ABCG2: variants seen among roughly 807,000 people sequenced by gnomAD.
The protein encoded by ABCG2 is broad substrate specificity ATP-binding cassette transporter ABCG2.
ABCG2 carries 80 observed loss-of-function variants against 73.5 expected under a neutral mutation model. The observed-to-expected ratio is 1.09, with a 90% CI of 0.91 to 1.31. ABCG2 has a LOEUF of 1.31. Ranked by LOEUF, ABCG2 falls within the 50% of genes most tolerant of loss-of-function variation. The pLI, the probability that ABCG2 is intolerant of heterozygous loss-of-function variation, is 0.00. For synonymous variants in ABCG2, 269 were observed against 282.4 expected (o/e 0.95, Z 0.48); for missense variants, 796 against 786.2 (o/e 1.01, Z -0.15).
chr4:88,208,053 C>G (rs772082860), intron 1 of ABCG2, among the ~76,000 whole-genome samples: 22 of 152,170 alleles, frequency 1.4e-4, no homozygotes, highest in Non-Finnish European at 2.9e-4. Context: ...TCAGTATTCA[C>G]TTCCAAGGAA....
At chr4:88,127,619 CACATCTACA>C (rs983466081) in intron 5 of ABCG2, among the ~76,000 whole-genome samples, 10 of 152,126 alleles carry the variant, frequency 6.6e-5, no homozygotes, top group African/African-American at 2.4e-4. Flanking sequence ...AATAATGCCA[CACATCTACA>C]ACCATCTGAT....
At chr4:88,163,625 C>A (rs1385880529), upstream of ABCG2, 1 of 195,672 alleles carries the variant, frequency 5.1e-6, no homozygotes, top group African/African-American at 2.4e-5. Flanking sequence ...GGCTATTCTG[C>A]CATAAACGAG....
chr4:88,229,057 TG>T (rs1385143665), intron 1 of ABCG2, among the ~76,000 whole-genome samples: 1 of 152,240 alleles, frequency 6.6e-6, no homozygotes, highest in Non-Finnish European at 1.5e-5. Context: ...GGCAACCGCT[TG>T]GGTCCCCTTC....
chr4:88,230,283 C>T (rs886631272), intron 1 of ABCG2, among the ~76,000 whole-genome samples: 8 of 84,748 alleles, frequency 9.4e-5, no homozygotes, highest in South Asian at 4.5e-4. Flanking sequence ...ATGATTACAC[C>T]GCACCTGTTA....
At chr4:88,141,255 A>C (rs1725621512) in intron 1 of ABCG2, among the ~76,000 whole-genome samples, 1 of 152,156 alleles carries the variant, frequency 6.6e-6, no homozygotes, top group South Asian at 2.1e-4. Context: ...GACATGAGGA[A>C]CCAAAATCAC....
chr4:88,133,761 G>T (rs772984825), intron 2 of ABCG2, among the ~76,000 whole-genome samples: 5 of 152,228 alleles, frequency 3.3e-5, no homozygotes, highest in Non-Finnish European at 7.3e-5. Context: ...ACTTCGGGAA[G>T]CCGAGGCGGG....
intron 1 of ABCG2, among the ~76,000 whole-genome samples, chr4:88,229,931 C>T (rs905898446): frequency 1.3e-5 from 2 of 151,612 alleles, no homozygotes; most frequent in African/African-American, 4.8e-5. Context: ...TTATAATCTT[C>T]AATTCTGAAT....
chr4:88,209,320 A>C (rs150681747), intron 1 of ABCG2, among the ~76,000 whole-genome samples: 2,229 of 151,464 alleles, frequency 0.015, 30 homozygotes, highest in Middle Eastern at 0.034. Flanking sequence ...AAAAAAAAAA[A>C]AAAAAACAAA....
At chr4:88,217,767 A>G (rs970005101) in intron 1 of ABCG2, among the ~76,000 whole-genome samples, 1 of 152,046 alleles carries the variant, frequency 6.6e-6, no homozygotes, top group Non-Finnish European at 1.5e-5. Flanking sequence ...TGAAGCCAGG[A>G]GTTCAAGGCT....
chr4:88,137,569 A>G (rs1725339443), intron 2 of ABCG2, among the ~76,000 whole-genome samples: 2 of 152,198 alleles, frequency 1.3e-5, no homozygotes, highest in Admixed American at 6.5e-5. Context: ...TGTGAGGGGC[A>G]TGGTTGACCC....
rs1178297276 is a variant in ABCG2, at chr4:88,092,279, G to A, written c.1923C>T (p.Leu641=). 1 of 1,612,566 alleles carries A rather than the reference G, an allele frequency of 6.2e-7. No homozygotes were observed. The highest frequency in any genetic ancestry group is 1.3e-5 in the African/African-American group (1 of 75,026). Residue 641 remains leucine (L), a synonymous_variant, in exon 16 of 16, where the codon CTC becomes CTT. Transcript: ENST00000237612. The part of the protein sequence containing the change: ...VALACMIVIF[L]TIAYLKLLFL... ...ATAACAATTTCAGGTAGGCAATTGT[G>A]AGGAAAATAACAATCATACAAGCCA... is the stretch of plus-strand genomic sequence containing the variant.
At chr4:88,108,454 C>A (rs544037875) in intron 9 of ABCG2, among the ~76,000 whole-genome samples, 1 of 152,170 alleles carries the variant, frequency 6.6e-6, no homozygotes, top group South Asian at 2.1e-4. Flanking sequence ...ATCACTTGAA[C>A]CCTAGAGGTG....
chr4:88,117,428 A>AAG (rs373841519), intron 7 of ABCG2, among the ~76,000 whole-genome samples: 12 of 152,226 alleles, frequency 7.9e-5, no homozygotes, highest in Admixed American at 3.9e-4. Flanking sequence ...TCAGGAGATC[A>AAG]AGACCATCCT....
chr4:88,215,312 A>G (rs146583421), intron 1 of ABCG2, among the ~76,000 whole-genome samples: 7 of 152,268 alleles, frequency 4.6e-5, no homozygotes, highest in African/African-American at 1.2e-4. Context: ...AAGTTAGCCA[A>G]TGAAATCCTG....
intron 5 of ABCG2, 24 bp from the exon 6 acceptor site, chr4:88,121,816 T>C: frequency 1.2e-6 from 2 of 1,607,940 alleles, no homozygotes; most frequent in Admixed American, 3.4e-5. Context: ...ATTATAATTG[T>C]CAATGATAAC....
intron 2 of ABCG2, among the ~76,000 whole-genome samples, chr4:88,137,286 G>A (rs961915103): frequency 1.4e-4 from 22 of 152,286 alleles, no homozygotes; most frequent in Admixed American, 7.2e-4. Context: ...ACTGTTTGGC[G>A]ACTATGATAG....
At chr4:88,125,973 C>G (rs1412199817) in intron 5 of ABCG2, among the ~76,000 whole-genome samples, 3 of 152,112 alleles carry the variant, frequency 2.0e-5, no homozygotes, top group Non-Finnish European at 4.4e-5. Flanking sequence ...AAAAACCCTT[C>G]AAACAAATCA....
chr4:88,209,177 GCACA>G (rs1451074039), intron 1 of ABCG2, among the ~76,000 whole-genome samples: 2 of 150,228 alleles, frequency 1.3e-5, no homozygotes, highest in African/African-American at 4.9e-5. Flanking sequence ...AAGTGTGGTC[GCACA>G]CACCTACAAT....
At chr4:88,141,622 T>C (rs886700508) in intron 1 of ABCG2, among the ~76,000 whole-genome samples, 1 of 152,104 alleles carries the variant, frequency 6.6e-6, no homozygotes, top group Non-Finnish European at 1.5e-5. Flanking sequence ...GAAGGTTAAA[T>C]CCACTCTCTA....
Sources: allele counts gnomAD v4.1 joint callset (sites outside exome capture counted in the v4.1 genomes callset), GRCh38; gene constraint gnomAD v4.1.1; transcripts MANE v1.5; gene names NCBI Gene and HGNC (gene_info 2026-07-23, HGNC 2026-07-21).